ATP1A1: variants seen among roughly 807,000 people sequenced by gnomAD.
ATP1A1 encodes sodium/potassium-transporting ATPase subunit alpha-1.
ATP1A1 carries 14 observed loss-of-function variants against 114.8 expected under a neutral mutation model. The observed-to-expected ratio is 0.12, with a 90% CI of 0.08 to 0.19. The LOEUF (loss-of-function observed/expected upper bound fraction) is 0.19, where lower values mean the gene tolerates loss of function less well. ATP1A1 is among the 10% of genes least tolerant of loss of function. ATP1A1 has a pLI of 1.00. For synonymous variants in ATP1A1, 471 were observed against 466.3 expected, an observed-to-expected ratio of 1.01 and a Z score of -0.13; for missense variants, 524 against 1,290.7, an observed-to-expected ratio of 0.41 and a Z score of 9.10.
chr1:116,384,056 G>T lies in ATP1A1; in HGVS notation c.55G>T (p.Gly19Cys), dbSNP rs1446413621. 6.2e-7 allele frequency: 1 copy of T among 1,614,062 alleles called. No homozygotes were observed. Among genetic ancestry groups the T allele is most frequent in the Admixed American group, 1.7e-5 (1 of 60,020 alleles). Residue 19 changes from glycine to cysteine, a missense_variant, in exon 2 of 23, where the codon GGT becomes TGT. Coordinates refer to ENST00000295598, the MANE Select transcript of ATP1A1 (RefSeq NM_000701.8). The surrounding 1 kb of genome is among the most constrained non-coding windows in gnomAD (Gnocchi z 5.1). ...TGAGCCTGCAGCTGTTTCAGAACAA[G>T]GTGATAAAAAGGGCAAAAAGGGCAA... is the stretch of plus-strand genomic sequence containing the variant. ...KYEPAAVSEQ[G>C]DKKGKKGKKD...
rs757409362 is a variant in ATP1A1 at position 116,401,044 on chromosome 1, C to T, written c.2718+38C>T. The stretch of plus-strand genomic sequence containing the variant: ...CTCTGACCTGACCAGTGTCAGAGCT[C>T]CTCAAGCCCCAGAAGACTGAGGCCA... On this transcript the variant is annotated intron_variant, in intron 19 of 22. Coordinates refer to ENST00000295598, the MANE Select transcript of ATP1A1 (RefSeq NM_000701.8). This position sits in a 1 kb window ranked among gnomAD's most constrained non-coding sequence, Gnocchi z 4.7. 5.3e-5 allele frequency: 86 copies of T among 1,612,996 alleles called. No individual in the cohort carries two copies. Among genetic ancestry groups the T allele is most frequent in the Non-Finnish European group, 7.0e-5 (82 of 1,179,122 alleles).
intron 8 of ATP1A1, 148 bp from the exon 9 acceptor site, chr1:116,390,065 G>T: frequency 1.2e-6 from 1 of 835,640 alleles, no homozygotes; most frequent in East Asian, 2.5e-5. Context: ...CCTCATGTAT[G>T]GGTTCCCCTT....
In ATP1A1 at chr1:116,397,849, T is replaced by G. The variant is rs1169729873; in HGVS notation, c.1974-39T>G. 6 of 1,595,936 alleles carry G rather than the reference T, an allele frequency of 3.8e-6. No homozygotes were observed. In the South Asian group the frequency reaches 5.6e-5, roughly 15 times the overall value. ...AGGTGATGGACACATGCTGGTGATG[T>G]GATGCGTGACTTTTTTTTTTTTTTT... is the stretch of plus-strand genomic sequence containing the variant. On this transcript the variant is annotated intron_variant, in intron 14 of 22. Coordinates refer to ENST00000295598, the MANE Select transcript of ATP1A1 (RefSeq NM_000701.8). This position sits in a 1 kb window ranked among gnomAD's most constrained non-coding sequence, Gnocchi z 4.2.
In ATP1A1 at chr1:116,384,893, T is replaced by C. The variant is rs1200910951; in HGVS notation, c.183+51T>C. On this transcript the variant is annotated intron_variant, in intron 3 of 22. Coordinates refer to ENST00000295598, the MANE Select transcript of ATP1A1 (RefSeq NM_000701.8). The surrounding 1 kb of genome is among the most constrained non-coding windows in gnomAD (Gnocchi z 5.1). ...TACAAAATCCTAGTTTTCCGTATTA[T>C]ATTTTCCCCTGTATTACATACAGGT... is the stretch of plus-strand genomic sequence containing the variant. The C allele has an allele frequency of 2.5e-6, 4 of 1,577,482 alleles. No individual in the cohort carries two copies.
chr1:116,401,807 C>T lies in ATP1A1; in HGVS notation c.2951+152C>T. The T allele has an allele frequency of 1.4e-6, 1 of 697,080 alleles. No homozygotes were observed. Among genetic ancestry groups the T allele is most frequent in the Non-Finnish European group, 2.4e-6 (1 of 409,564 alleles). The allele number at this position is 697,080 out of a possible 1,614,324, so 43.2% of individuals were successfully genotyped here. ...GGAAAACTGTGAAAGCTTGACATGT[C>T]AGTAAATCAGACTAACAAATCCTGA... On this transcript the variant is annotated intron_variant, in intron 21 of 22. Coordinates refer to ENST00000295598, the MANE Select transcript of ATP1A1 (RefSeq NM_000701.8). This position sits in a 1 kb window ranked among gnomAD's most constrained non-coding sequence, Gnocchi z 4.7.
chr1:116,374,091 C>T lies in ATP1A1; in HGVS notation c.12+568C>T, dbSNP rs1057147704. 5 of 1,443,078 alleles carry T rather than the reference C, an allele frequency of 3.5e-6. No individual in the cohort carries two copies. In the African/African-American group the frequency reaches 5.8e-5, roughly 17 times the overall value. 89.4% of individuals were successfully genotyped at this position (1,443,078 alleles called of 1,614,324 possible). A position where few individuals can be genotyped will look rare whatever the true frequency, so the allele number is the denominator to read the frequency against. On this transcript the variant is annotated intron_variant, in intron 1 of 22. Transcript: ENST00000295598. ...GGGGCAGCCTCCGGGTTCGGGGCTCCTTCTCCTGGGGACGCTGGGGCTTAG... is the reference window on the plus strand; with the variant it reads ...GGGGCAGCCTCCGGGTTCGGGGCTCTTTCTCCTGGGGACGCTGGGGCTTAG...
chr1:116,395,010 A>G lies in ATP1A1; in HGVS notation c.1661-100A>G, dbSNP rs1334224058. ...ATAGACTTTAAAAATTTTCCAAAGTAAACACTCCAGAGAAAGGTAGGCGGG... is the reference window on the plus strand; with the variant it reads ...ATAGACTTTAAAAATTTTCCAAAGTGAACACTCCAGAGAAAGGTAGGCGGG... On this transcript the variant is annotated intron_variant, in intron 12 of 22. Coordinates refer to ENST00000295598, the MANE Select transcript of ATP1A1 (RefSeq NM_000701.8). The surrounding 1 kb of genome is among the most constrained non-coding windows in gnomAD (Gnocchi z 6.4). 3 of 1,267,678 alleles carry G rather than the reference A, an allele frequency of 2.4e-6. No homozygotes were observed. The highest frequency in any genetic ancestry group is 3.2e-6 in the Non-Finnish European group (3 of 925,050). The allele number at this position is 1,267,678 out of a possible 1,614,324, so 78.5% of individuals were successfully genotyped here. A position where few individuals can be genotyped will look rare whatever the true frequency, so the allele number is the denominator to read the frequency against.
In ATP1A1 at chr1:116,398,940, C is replaced by A; in HGVS notation, c.2304C>A (p.Ile768=). ...TCTTGGTTTTCATAGGTCGTCTGAT[C>A]TTTGATAACTTGAAGAAATCCATTG... ...IVTGVEEGRL[I]FDNLKKSIAY... The change falls in exon 17 of 23, where the codon ATC becomes ATA. Residue 768 remains isoleucine (I), a synonymous_variant. Coordinates refer to ENST00000295598, the MANE Select transcript of ATP1A1 (RefSeq NM_000701.8). This position sits in a 1 kb window ranked among gnomAD's most constrained non-coding sequence, Gnocchi z 6.1. 1 of 1,614,138 alleles carries A rather than the reference C, an allele frequency of 6.2e-7. No homozygotes were observed. Among genetic ancestry groups the A allele is most frequent in the Non-Finnish European group, 8.5e-7 (1 of 1,180,008 alleles).
chr1:116,386,697 C>A (rs191479131), intron 3 of ATP1A1, among the ~76,000 whole-genome samples: 1 of 151,864 alleles, frequency 6.6e-6, no homozygotes, highest in Non-Finnish European at 1.5e-5. Context: ...GTGGTTTTTT[C>A]CAGTGAGTAC....
At position 116,392,892 on chromosome 1, in the gene ATP1A1, A is replaced by G. The variant is rs1400784239; in HGVS notation, c.1371A>G (p.Leu457=). The change falls in exon 11 of 23, where the codon TTA becomes TTG. Residue 457 remains leucine, a synonymous_variant. Transcript: ENST00000295598. ...GAGATGCCTCTGAGTCAGCACTCTT[A>G]AAGTGCATAGAGCTGTGCTGTGGTT... is the stretch of plus-strand genomic sequence containing the variant. ...VAGDASESAL[L]KCIELCCGSV... 5.0e-6 allele frequency: 8 copies of G among 1,613,896 alleles called. No individual in the cohort carries two copies. Among genetic ancestry groups the G allele is most frequent in the Non-Finnish European group, 5.9e-6 (7 of 1,179,970 alleles).
intron 9 of ATP1A1, 69 bp downstream of exon 9, chr1:116,390,480 T>C (rs1268552548): frequency 4.1e-6 from 6 of 1,469,518 alleles, no homozygotes; most frequent in Non-Finnish European, 5.5e-6. Flanking sequence ...TTTTAAGAAA[T>C]TGCATGAAAT....
chr1:116,382,130 G>A (rs1024498358), intron 1 of ATP1A1, among the ~76,000 whole-genome samples: 2 of 152,136 alleles, frequency 1.3e-5, no homozygotes, highest in Admixed American at 6.5e-5. Flanking sequence ...CTTAGATTGC[G>A]CCACTGCACT....
At chr1:116,396,838 GA>G (rs1652970314) in intron 14 of ATP1A1, 104 bp downstream of exon 14, 1 of 1,361,918 alleles carries the variant, frequency 7.3e-7, no homozygotes. Flanking sequence ...GGCTTGCTCT[GA>G]GTAGGAAATG....
Position 116,393,719 on chromosome 1 carries a change from C to T in ATP1A1, c.1656C>T (p.Val552=), listed in dbSNP as rs1056477317. ...AGCTGGGGGGCCTCGGAGAACGAGT[C>T]CTAGGTATGCAGATAACCTGGTAAC... ...YLELGGLGER[V]LGFCHLFLPD... Residue 552 remains valine (V), a synonymous_variant, in exon 12 of 23, where the codon GTC becomes GTT. Transcript: ENST00000295598. The surrounding 1 kb of genome is among the most constrained non-coding windows in gnomAD (Gnocchi z 5.0). 13 of 1,612,138 alleles carry T rather than the reference C, an allele frequency of 8.1e-6. No homozygotes were observed. The highest frequency in any genetic ancestry group is 8.0e-5 in the African/African-American group (6 of 74,850).
Position 116,392,832 on chromosome 1 carries a change from C to T in ATP1A1, c.1333-22C>T, listed in dbSNP as rs536430341. 3.8e-5 allele frequency: 60 copies of T among 1,584,926 alleles called. No individual in the cohort carries two copies. In the South Asian group the frequency reaches 4.7e-4, roughly 12 times the overall value. On this transcript the variant is annotated intron_variant, in intron 10 of 22. Coordinates refer to ENST00000295598, the MANE Select transcript of ATP1A1 (RefSeq NM_000701.8). ...AGTGAAATTTTTTGGAGATAATTTA[C>T]AGATGATGTCTCTGTTCACAGCGGG...
Position 116,388,817 on chromosome 1 carries a change from CG to C in ATP1A1, c.636+48del. 6.2e-7 allele frequency: 1 copy of C among 1,612,716 alleles called. No homozygotes were observed. The highest frequency in any genetic ancestry group is 8.5e-7 in the Non-Finnish European group (1 of 1,179,110). On this transcript the variant is annotated intron_variant, in intron 6 of 22. Coordinates refer to ENST00000295598, the MANE Select transcript of ATP1A1 (RefSeq NM_000701.8). The surrounding 1 kb of genome is among the most constrained non-coding windows in gnomAD (Gnocchi z 5.6). ...AAACCTCATAGCTAGCTCTGCTGTT[CG>C]GGCAGCTTGATTTGAGGGGTACAGT...
At position 116,388,809 on chromosome 1, in the gene ATP1A1, CT is replaced by C. The variant is rs1375564971; in HGVS notation, c.636+38del. On this transcript the variant is annotated intron_variant, in intron 6 of 22. Coordinates refer to ENST00000295598, the MANE Select transcript of ATP1A1 (RefSeq NM_000701.8). This position sits in a 1 kb window ranked among gnomAD's most constrained non-coding sequence, Gnocchi z 5.6. ...ATTTTAACAAACCTCATAGCTAGCT[CT>C]GCTGTTCGGGCAGCTTGATTTGAGG... The C allele has an allele frequency of 6.2e-7, 1 of 1,613,336 alleles. No homozygotes were observed. Among genetic ancestry groups the C allele is most frequent in the African/African-American group, 1.3e-5 (1 of 74,982 alleles).
At position 116,389,414 on chromosome 1, in the gene ATP1A1, A is replaced by G. The variant is rs772179315; in HGVS notation, c.755-25A>G. Reference sequence around the variant, plus strand: ...CTTCAGGTTAGATACAATTAGGTACAGTTCTCCCTCCCCTTCTTTTTAAGG... The same window carrying G: ...CTTCAGGTTAGATACAATTAGGTACGGTTCTCCCTCCCCTTCTTTTTAAGG... On this transcript the variant is annotated intron_variant, in intron 7 of 22. Transcript: ENST00000295598. The surrounding 1 kb of genome is among the most constrained non-coding windows in gnomAD (Gnocchi z 6.9). 2 of 1,612,428 alleles carry G rather than the reference A, an allele frequency of 1.2e-6. No homozygotes were observed. Among genetic ancestry groups the G allele is most frequent in the Non-Finnish European group, 1.7e-6 (2 of 1,178,672 alleles).
At chr1:116,379,462 C>G (rs545982686) in intron 1 of ATP1A1, among the ~76,000 whole-genome samples, 3 of 152,294 alleles carry the variant, frequency 2.0e-5, no homozygotes, top group Non-Finnish European at 4.4e-5. Context: ...CCCTCAACCC[C>G]GGCCATCCCT....
Sources: gnomAD v4.1 joint callset for allele counts (sites outside exome capture counted in the v4.1 genomes callset) on GRCh38, gnomAD v4.1.1 for gene constraint, Gnocchi (gnomAD v3.1) non-coding constraint, MANE v1.5 for transcripts, NCBI Gene and HGNC (gene_info 2026-07-23, HGNC 2026-07-21) for gene names.